PCDHA12: variants seen among roughly 807,000 people sequenced by gnomAD.
PCDHA12 encodes the protein protocadherin alpha 12, also known as protocadherin alpha-12.
PCDHA12 carries 44 observed loss-of-function variants against 60.0 expected under a neutral mutation model. The observed-to-expected ratio is 0.73, with a 90% CI of 0.58 to 0.94. PCDHA12 has a LOEUF of 0.94. Ranked by LOEUF, PCDHA12 falls within the 40% of genes least tolerant of loss-of-function variation. The pLI, the probability that PCDHA12 is intolerant of heterozygous loss-of-function variation, is 0.00. For synonymous variants in PCDHA12, 569 were observed against 553.0 expected, an observed-to-expected ratio of 1.03 and a Z score of -0.40; for missense variants, 1,276 against 1,239.7, an observed-to-expected ratio of 1.03 and a Z score of -0.44.
rs921095598 is a variant in PCDHA12 at position 140,929,476 on chromosome 5, T to C, written c.2368-49473T>C. 1.0e-5 allele frequency: 13 copies of C among 1,254,174 alleles called. No individual in the cohort carries two copies. In the African/African-American group the frequency reaches 2.0e-4, roughly 19 times the overall value. 77.7% of individuals were successfully genotyped at this position (1,254,174 alleles called of 1,614,324 possible). On this transcript the variant is annotated intron_variant, in intron 1 of 3. Coordinates refer to ENST00000398631, the MANE Select transcript of PCDHA12 (RefSeq NM_018903.4). ...CTTCCTGTGCCAAGAAATCTGGAAG[T>C]ATAGAAGTATTAGAAGATTGCCCTA...
intron 1 of PCDHA12, among the ~76,000 whole-genome samples, chr5:140,977,970 A>G (rs531494024): frequency 2.0e-5 from 3 of 152,332 alleles, no homozygotes; most frequent in South Asian, 4.1e-4. Context: ...ATCTCCGCCC[A>G]TGAAAACGCA....
chr5:140,904,365 A>G (rs1036617665), intron 1 of PCDHA12, among the ~76,000 whole-genome samples: 2 of 151,790 alleles, frequency 1.3e-5, no homozygotes, highest in African/African-American at 4.8e-5. Context: ...CCATTATTTC[A>G]TTCCTTTTTA....
chr5:140,999,985 G>T (rs1451778210), intron 3 of PCDHA12, among the ~76,000 whole-genome samples: 1 of 152,022 alleles, frequency 6.6e-6, no homozygotes, highest in African/African-American at 2.4e-5. Context: ...AGCGGCCTCT[G>T]GGTAGTGGTA....
At chr5:140,923,878 G>A (rs1475731417) in intron 1 of PCDHA12, among the ~76,000 whole-genome samples, 3 of 152,192 alleles carry the variant, frequency 2.0e-5, no homozygotes, top group Non-Finnish European at 4.4e-5. Context: ...TCTGAGAAGC[G>A]TGTGAAAGAG....
chr5:140,883,915 G>A, intron 1 of PCDHA12: 1 of 1,613,348 alleles, frequency 6.2e-7, no homozygotes, highest in Non-Finnish European at 8.5e-7. Context: ...GCAGCAACGT[G>A]ACGCTGCAGG....
chr5:141,000,839 C>G (rs1194048512), intron 3 of PCDHA12, among the ~76,000 whole-genome samples: 1 of 151,970 alleles, frequency 6.6e-6, no homozygotes, highest in Admixed American at 6.6e-5. Flanking sequence ...TCCAGGAGAT[C>G]CAGTCTGGCA....
At chr5:140,879,141 G>C (rs1413837977) in intron 1 of PCDHA12, among the ~76,000 whole-genome samples, 2 of 152,192 alleles carry the variant, frequency 1.3e-5, no homozygotes, top group Non-Finnish European at 2.9e-5. Context: ...GATTGTGAAG[G>C]CAGGAAAGCT....
chr5:140,929,541 G>A, intron 1 of PCDHA12: 6 of 542,944 alleles, frequency 1.1e-5, no homozygotes, highest in Non-Finnish European at 1.8e-5. Context: ...AGAAACAAGG[G>A]CAAAAATTAA....
intron 3 of PCDHA12, among the ~76,000 whole-genome samples, chr5:140,985,179 C>T (rs1056430017): frequency 5.9e-5 from 9 of 152,132 alleles, no homozygotes; most frequent in African/African-American, 1.9e-4. Flanking sequence ...CCTCGTAATC[C>T]GCCTGCCTCG....
At chr5:140,885,434 T>C (rs1554182149) in intron 1 of PCDHA12, among the ~76,000 whole-genome samples, 1 of 152,158 alleles carries the variant, frequency 6.6e-6, no homozygotes, top group African/African-American at 2.4e-5. Context: ...AGTGTAAGTG[T>C]GCAATTATAT....
chr5:140,906,534 A>G (rs7704223), intron 1 of PCDHA12, among the ~76,000 whole-genome samples: 49,309 of 152,142 alleles, frequency 0.32, 8,308 homozygotes, highest in East Asian at 0.53. Flanking sequence ...GACAATTAAA[A>G]TCCTCATTTC....
At chr5:140,894,527 G>T (rs1184887485) in intron 1 of PCDHA12, among the ~76,000 whole-genome samples, 1 of 151,472 alleles carries the variant, frequency 6.6e-6, no homozygotes, top group African/African-American at 2.4e-5. Flanking sequence ...ATGCTGTTAT[G>T]TGCCTTCTGG....
intron 1 of PCDHA12, chr5:140,966,733 C>T: frequency 7.1e-7 from 1 of 1,416,484 alleles, no homozygotes; most frequent in Non-Finnish European, 9.2e-7. Context: ...CCGCCTCCGG[C>T]CCTGCCCGGC....
At chr5:140,917,242 T>C (rs564284004) in intron 1 of PCDHA12, among the ~76,000 whole-genome samples, 1 of 151,850 alleles carries the variant, frequency 6.6e-6, no homozygotes, top group African/African-American at 2.4e-5. Flanking sequence ...ATCTAGGTAC[T>C]ACGATTGCTC....
chr5:141,009,791 CCTA>C lies in PCDHA12; in HGVS notation c.2684_2686del (p.Thr895del), dbSNP rs2098414479. 1.2e-6 allele frequency: 2 copies of C among 1,613,966 alleles called. No homozygotes were observed. Among genetic ancestry groups the C allele is most frequent in the African/African-American group, 2.7e-5 (2 of 74,882 alleles). On this transcript the variant is annotated inframe_deletion, in exon 4 of 4. Coordinates refer to ENST00000398631, the MANE Select transcript of PCDHA12 (RefSeq NM_018903.4). ...TGCAATCATCTCCATCCGGCAGGAGCCTACTAACAGCCAAATTGACAAAAGTGA... is the reference window on the plus strand; with the variant it reads ...TGCAATCATCTCCATCCGGCAGGAGCCTAACAGCCAAATTGACAAAAGTGA...
intron 1 of PCDHA12, among the ~76,000 whole-genome samples, chr5:140,887,688 G>GA (rs1453843716): frequency 4.2e-4 from 64 of 151,926 alleles, no homozygotes; most frequent in Middle Eastern, 3.2e-3. Context: ...TCAAATTCAG[G>GA]AAAAAATCAA....
chr5:140,998,855 C>T (rs544471391), intron 3 of PCDHA12, among the ~76,000 whole-genome samples: 63 of 152,320 alleles, frequency 4.1e-4, no homozygotes, highest in Admixed American at 2.1e-3. Context: ...GAGCCACATG[C>T]CTGGCCTTGT....
chr5:140,929,162 G>T (rs2153599635), intron 1 of PCDHA12: 4 of 1,614,060 alleles, frequency 2.5e-6, no homozygotes, highest in Non-Finnish European at 3.4e-6. Context: ...TATCTCTATC[G>T]GGCCTCTCTG....
At chr5:140,980,278 GA>G (rs1351425532) in intron 2 of PCDHA12, among the ~76,000 whole-genome samples, 1 of 152,166 alleles carries the variant, frequency 6.6e-6, no homozygotes, top group Non-Finnish European at 1.5e-5. Flanking sequence ...ACCAACTCTT[GA>G]AAAGTACCAA....
Sources: gnomAD v4.1 joint callset for allele counts (sites outside exome capture counted in the v4.1 genomes callset) on GRCh38, gnomAD v4.1.1 for gene constraint, MANE v1.5 for transcripts, NCBI Gene and HGNC (gene_info 2026-07-23, HGNC 2026-07-21) for gene names.